Variants in GRIP1 observed in about 807,000 individuals in gnomAD.
GRIP1 encodes the protein glutamate receptor interacting protein 1, also known as glutamate receptor-interacting protein 1.
A neutral mutation model predicts 129.9 loss-of-function variants in GRIP1; 45 were observed. The observed-to-expected ratio is 0.35, with a 90% CI of 0.27 to 0.44. The LOEUF (loss-of-function observed/expected upper bound fraction) is 0.44. Among genes scored for constraint, GRIP1 ranks in the 20% least tolerant of loss-of-function variants. The pLI is 1.00. For synonymous variants in GRIP1, 530 were observed against 520.8 expected, an observed-to-expected ratio of 1.02 and a Z score of -0.24; for missense variants, 1,196 against 1,396.8, an observed-to-expected ratio of 0.86 and a Z score of 2.29.
chr12:66,372,034 C>T, intron 22 of GRIP1, 107 bp from the exon 23 acceptor site: 1 of 766,558 alleles, frequency 1.3e-6, no homozygotes, highest in African/African-American at 1.7e-5. Flanking sequence ...AATACAGTCT[C>T]TTCAGGGCAA....
chr12:66,657,946 T>C (rs2033263090), intron 1 of GRIP1, among the ~76,000 whole-genome samples: 1 of 152,248 alleles, frequency 6.6e-6, no homozygotes, highest in Non-Finnish European at 1.5e-5. Flanking sequence ...TTTAGGTTCT[T>C]ACAGAAACAT....
chr12:67,041,962 C>T (rs1006227794), intron 1 of GRIP1, among the ~76,000 whole-genome samples: 1 of 151,976 alleles, frequency 6.6e-6, no homozygotes, highest in Non-Finnish European at 1.5e-5. Context: ...AGCCTTAATC[C>T]CCATTTTAAC....
intron 1 of GRIP1, among the ~76,000 whole-genome samples, chr12:66,735,895 C>T (rs1284238666): frequency 6.6e-6 from 1 of 152,144 alleles, no homozygotes; most frequent in African/African-American, 2.4e-5. Context: ...TACAGGCACT[C>T]CCTCCACTCC....
intron 1 of GRIP1, among the ~76,000 whole-genome samples, chr12:66,752,674 C>A (rs1190760328): frequency 6.6e-6 from 1 of 152,080 alleles, no homozygotes; most frequent in African/African-American, 2.4e-5. Flanking sequence ...ACATTGCTTA[C>A]CTACACCTAT....
At chr12:66,353,303 T>A (rs1592671533) in intron 24 of GRIP1, 114 bp downstream of exon 24, 1 of 802,526 alleles carries the variant, frequency 1.2e-6, no homozygotes, top group East Asian at 2.4e-5. Context: ...ATAATCTTGA[T>A]GACAAAGGCT....
At chr12:66,615,620 T>C (rs73325154) in intron 1 of GRIP1, among the ~76,000 whole-genome samples, 2,060 of 152,312 alleles carry the variant, frequency 0.014, 53 homozygotes, top group African/African-American at 0.047. Flanking sequence ...GTGTTCCTAA[T>C]AAATGGCAAA....
intron 7 of GRIP1, among the ~76,000 whole-genome samples, chr12:66,500,834 G>A (rs2060373119): frequency 6.6e-6 from 1 of 152,186 alleles, no homozygotes; most frequent in Admixed American, 6.5e-5. Context: ...CAGGTAGTAA[G>A]AACTAGGTGT....
chr12:67,016,994 T>G (rs1322429258), intron 1 of GRIP1, among the ~76,000 whole-genome samples: 2 of 152,188 alleles, frequency 1.3e-5, no homozygotes, highest in East Asian at 3.8e-4. Flanking sequence ...TCAGTGCTGG[T>G]GCTTCTGTCT....
intron 1 of GRIP1, among the ~76,000 whole-genome samples, chr12:66,879,139 G>T (rs535214737): frequency 1.3e-5 from 2 of 151,988 alleles, no homozygotes; most frequent in South Asian, 4.2e-4. Context: ...AGTGAAAAAG[G>T]TAATATAGGA....
intron 2 of GRIP1, among the ~76,000 whole-genome samples, chr12:66,553,243 T>C (rs907893371): frequency 6.6e-6 from 1 of 152,178 alleles, no homozygotes; most frequent in Non-Finnish European, 1.5e-5. Flanking sequence ...AATCACCTTA[T>C]GTAACACTAT....
At chr12:66,439,984 T>A (rs1433937413) in intron 13 of GRIP1, among the ~76,000 whole-genome samples, 1 of 152,198 alleles carries the variant, frequency 6.6e-6, no homozygotes, top group Non-Finnish European at 1.5e-5. Flanking sequence ...TTGAATATCC[T>A]TTTACAGCTT....
chr12:66,813,268 T>C (rs1275900497), intron 1 of GRIP1, among the ~76,000 whole-genome samples: 1 of 152,068 alleles, frequency 6.6e-6, no homozygotes, highest in Non-Finnish European at 1.5e-5. Context: ...GGGCTCCTTG[T>C]AAATAACCAG....
rs540348030 is a variant in GRIP1 at position 66,503,621 on chromosome 12, C to T, written c.724+11998G>A. 4.9e-4 allele frequency among the ~76,000 whole-genome samples: 74 copies of T among 152,278 alleles called. 2 individuals carry two copies. In the South Asian group the frequency reaches 0.013, roughly 27 times the overall value. On this transcript the variant is annotated intron_variant, in intron 7 of 24. Coordinates refer to ENST00000359742, the MANE Select transcript of GRIP1 (RefSeq NM_001366722.1). Reference sequence around the variant, plus strand: ...TTCTTTCTTCTGAGGAGGCAAGAATCGAGGTTGCTGCAGACCCATACGGAT... The same window carrying T: ...TTCTTTCTTCTGAGGAGGCAAGAATTGAGGTTGCTGCAGACCCATACGGAT...
rs370700342 is a variant in GRIP1 at position 66,515,756 on chromosome 12, G to A, written c.587C>T (p.Thr196Met). The change falls in exon 7 of 25, where the codon ACG becomes ATG. Residue 196 changes from threonine to methionine, a missense_variant. Around this residue, in one of 5 missense-constraint regions of GRIP1, gnomAD observed 16 missense variants for 43.6 expected, o/e 0.37. Coordinates refer to ENST00000359742, the MANE Select transcript of GRIP1 (RefSeq NM_001366722.1). ...RPGGPADREG[T>M]IKPGDRLLSV... ...GAGCAACCTGTCACCGGGTTTGATC[G>A]TGCCCTCTCTGAAGGGAGAATAAAG... The A allele has an allele frequency of 1.1e-5, 18 of 1,613,152 alleles. No homozygotes were observed. Among genetic ancestry groups the A allele is most frequent in the East Asian group, 4.5e-5 (2 of 44,886 alleles).
At chr12:66,785,156 A>G (rs952860673) in intron 1 of GRIP1, among the ~76,000 whole-genome samples, 1 of 151,598 alleles carries the variant, frequency 6.6e-6, no homozygotes, top group East Asian at 1.9e-4. Flanking sequence ...GTTAAGAGCT[A>G]CTTGAAGAAA....
chr12:66,454,790 G>A (rs1420277112), intron 11 of GRIP1, among the ~76,000 whole-genome samples: 1 of 152,190 alleles, frequency 6.6e-6, no homozygotes. Flanking sequence ...TTAGGCTGGA[G>A]TGGACAGTAA....
At chr12:66,799,949 T>C (rs1317021434) in intron 1 of GRIP1, among the ~76,000 whole-genome samples, 1 of 152,148 alleles carries the variant, frequency 6.6e-6, no homozygotes, top group Non-Finnish European at 1.5e-5. Flanking sequence ...TGAAAGAAAG[T>C]GAAGCACCCT....
chr12:66,586,014 C>G (rs547657970), intron 2 of GRIP1, among the ~76,000 whole-genome samples: 1 of 152,334 alleles, frequency 6.6e-6, no homozygotes, highest in Non-Finnish European at 1.5e-5. Flanking sequence ...AGCACACGAA[C>G]ATGCTGCATC....
At chr12:66,619,845 A>C (rs923160714) in intron 1 of GRIP1, among the ~76,000 whole-genome samples, 1 of 152,190 alleles carries the variant, frequency 6.6e-6, no homozygotes, top group African/African-American at 2.4e-5. Flanking sequence ...AAAAAGGGTA[A>C]GATTTTAAAA....
Sources: allele counts gnomAD v4.1 joint callset (sites outside exome capture counted in the v4.1 genomes callset), GRCh38; gene constraint gnomAD v4.1.1; regional missense constraint gnomAD v4.1.1; transcripts MANE v1.5; gene names NCBI Gene and HGNC (gene_info 2026-07-23, HGNC 2026-07-21).